RBFOX1: variants seen among roughly 807,000 people sequenced by gnomAD.
RBFOX1 encodes RNA binding protein fox-1 homolog 1.
A neutral mutation model predicts 57.7 loss-of-function variants in RBFOX1; 8 were observed. The observed-to-expected ratio is 0.14, with a 90% CI of 0.08 to 0.25. The LOEUF (loss-of-function observed/expected upper bound fraction) is 0.25, where lower values mean the gene tolerates loss of function less well. Ranked by LOEUF, RBFOX1 falls within the 10% of genes least tolerant of loss-of-function variation. The probability of loss-of-function intolerance (pLI) is 1.00; values close to 1 mark genes in which losing one functional copy is unlikely to be tolerated. For missense variants in RBFOX1, 611 were observed against 548.5 expected (o/e 1.11, Z -1.14); for synonymous variants, 326 against 222.4 (o/e 1.47, Z -4.15).
intron 4 of RBFOX1, among the ~76,000 whole-genome samples, chr16:7,386,602 C>G (rs564170202): frequency 1.1e-3 from 169 of 152,246 alleles, no homozygotes; most frequent in African/African-American, 3.7e-3. Context: ...ATATGTGCCA[C>G]ATTTTCTTTA....
At chr16:6,619,207 C>T (rs753333472) in intron 2 of RBFOX1, among the ~76,000 whole-genome samples, 1 of 151,950 alleles carries the variant, frequency 6.6e-6, no homozygotes, top group Non-Finnish European at 1.5e-5. Flanking sequence ...ATGCCTCTGT[C>T]CCCCCCTTAA....
intron 3 of RBFOX1, among the ~76,000 whole-genome samples, chr16:6,894,036 G>C (rs1233749359): frequency 6.6e-6 from 1 of 152,102 alleles, no homozygotes; most frequent in Admixed American, 6.6e-5. Context: ...CTCTTTATAT[G>C]GGTTTTCTTC....
chr16:6,187,097 T>C (rs1221605135), intron 1 of RBFOX1, among the ~76,000 whole-genome samples: 1 of 152,202 alleles, frequency 6.6e-6, no homozygotes, highest in Non-Finnish European at 1.5e-5. Context: ...GATGCAACAC[T>C]ATATCAGAGA....
At chr16:7,037,332 C>A (rs971420051) in intron 3 of RBFOX1, among the ~76,000 whole-genome samples, 1 of 144,892 alleles carries the variant, frequency 6.9e-6, no homozygotes, top group African/African-American at 2.6e-5. Flanking sequence ...ACCTCCACTT[C>A]CCAGGTTCAA....
At chr16:7,397,570 G>C (rs1183337376) in intron 4 of RBFOX1, among the ~76,000 whole-genome samples, 1 of 152,164 alleles carries the variant, frequency 6.6e-6, no homozygotes, top group Admixed American at 6.5e-5. Flanking sequence ...CAGTACCAAA[G>C]AGTCAGAACT....
At chr16:5,502,200 G>A (rs543330979) in intron 2 of RBFOX1, among the ~76,000 whole-genome samples, 41 of 152,158 alleles carry the variant, frequency 2.7e-4, no homozygotes, top group African/African-American at 9.2e-4. Flanking sequence ...TGGCATGGAG[G>A]CAGCAGCTTT....
At chr16:5,514,072 C>T (rs532816532) in intron 2 of RBFOX1, among the ~76,000 whole-genome samples, 1 of 152,242 alleles carries the variant, frequency 6.6e-6, no homozygotes, top group South Asian at 2.1e-4. Context: ...TATGGATATG[C>T]TAGTATATTA....
chr16:7,390,028 T>C (rs1243194818), intron 4 of RBFOX1, among the ~76,000 whole-genome samples: 1 of 152,062 alleles, frequency 6.6e-6, no homozygotes, highest in African/African-American at 2.4e-5. Context: ...AAACTTATAA[T>C]CATGGCAGAA....
intron 3 of RBFOX1, among the ~76,000 whole-genome samples, chr16:6,922,038 T>C (rs1372063263): frequency 6.6e-6 from 1 of 152,184 alleles, no homozygotes; most frequent in African/African-American, 2.4e-5. Context: ...ATAACTGCTG[T>C]TACCAACTGG....
intron 2 of RBFOX1, among the ~76,000 whole-genome samples, chr16:6,552,299 A>G (rs2097006084): frequency 6.6e-6 from 1 of 152,208 alleles, no homozygotes; most frequent in African/African-American, 2.4e-5. Flanking sequence ...AATAACTAAT[A>G]TCAGGAAACC....
chr16:6,787,317 G>C (rs539939101), intron 3 of RBFOX1, among the ~76,000 whole-genome samples: 1 of 152,150 alleles, frequency 6.6e-6, no homozygotes, highest in Non-Finnish European at 1.5e-5. Flanking sequence ...TGCCATGTTC[G>C]TGTATTCATC....
intron 3 of RBFOX1, among the ~76,000 whole-genome samples, chr16:6,906,247 C>T (rs1012644892): frequency 6.6e-6 from 1 of 151,930 alleles, no homozygotes; most frequent in Non-Finnish European, 1.5e-5. Context: ...TTACCCCCCC[C>T]CAAAATATAC....
intron 4 of RBFOX1, among the ~76,000 whole-genome samples, chr16:7,373,036 A>T (rs1164952953): frequency 6.6e-6 from 1 of 151,338 alleles, no homozygotes; most frequent in Non-Finnish European, 1.5e-5. Context: ...GGCTGTAGCC[A>T]TTCTCTTGCC....
At chr16:5,911,379 C>G (rs201227614) in intron 4 of RBFOX1, among the ~76,000 whole-genome samples, 1 of 152,136 alleles carries the variant, frequency 6.6e-6, no homozygotes, top group African/African-American at 2.4e-5. Context: ...GTGCCACAGC[C>G]GTATCTTCAG....
chr16:6,232,864 A>G (rs919627760), intron 1 of RBFOX1, among the ~76,000 whole-genome samples: 3 of 152,146 alleles, frequency 2.0e-5, no homozygotes, highest in East Asian at 1.9e-4. Context: ...AGTAGACTCA[A>G]CTTCTGCACA....
intron 3 of RBFOX1, among the ~76,000 whole-genome samples, chr16:6,659,177 G>T (rs1010291517): frequency 1.3e-5 from 2 of 152,074 alleles, no homozygotes; most frequent in African/African-American, 4.8e-5. Context: ...AGATTCAGGT[G>T]ATGAGAGGAG....
At chr16:6,515,312 G>C (rs1375222691) in intron 2 of RBFOX1, among the ~76,000 whole-genome samples, 1 of 152,176 alleles carries the variant, frequency 6.6e-6, no homozygotes, top group Non-Finnish European at 1.5e-5. Flanking sequence ...TGCTAGGCTT[G>C]TCTTTGTCAG....
chr16:6,394,542 T>C (rs1457910969), intron 2 of RBFOX1, among the ~76,000 whole-genome samples: 1 of 151,984 alleles, frequency 6.6e-6, no homozygotes, highest in Non-Finnish European at 1.5e-5. Context: ...TGAGAAATTA[T>C]GCAAAAGAAA....
intron 1 of RBFOX1, among the ~76,000 whole-genome samples, chr16:6,157,305 C>A (rs1486971273): frequency 6.6e-6 from 1 of 151,246 alleles, no homozygotes; most frequent in Non-Finnish European, 1.5e-5. Context: ...AACCATTTGC[C>A]CTACTTCTCT....
Sources: gnomAD v4.1 joint callset for allele counts (sites outside exome capture counted in the v4.1 genomes callset) on GRCh38, gnomAD v4.1.1 for gene constraint, MANE v1.5 for transcripts, NCBI Gene and HGNC (gene_info 2026-07-23, HGNC 2026-07-21) for gene names.